CEP128: variants seen among roughly 807,000 people sequenced by gnomAD.
The protein encoded by CEP128 is centrosomal protein 128.
Under a neutral mutation model 156.7 loss-of-function variants are expected in CEP128, and 132 were observed. The ratio of observed to expected loss-of-function variants is 0.84; its 90% CI spans 0.73 to 0.97. The LOEUF (loss-of-function observed/expected upper bound fraction) is 0.97, where lower values mean the gene tolerates loss of function less well. Among genes scored for constraint, CEP128 ranks in the 50% least tolerant of loss-of-function variants. The pLI is 0.00. For missense variants in CEP128, 1,252 were observed against 1,281.9 expected (o/e 0.98, Z 0.36); for synonymous variants, 469 against 448.9 (o/e 1.04, Z -0.57).
intron 17 of CEP128, among the ~76,000 whole-genome samples, chr14:80,757,749 C>CA (rs1396454135): frequency 4.6e-5 from 7 of 152,216 alleles, no homozygotes; most frequent in Non-Finnish European, 1.0e-4. Flanking sequence ...CAAATACCTC[C>CA]ATACCTCCTG....
chr14:80,826,983 G>A (rs903121443), intron 13 of CEP128, among the ~76,000 whole-genome samples: 1 of 152,146 alleles, frequency 6.6e-6, no homozygotes, highest in African/African-American at 2.4e-5. Flanking sequence ...TGCATATACA[G>A]ATTTAAGATC....
At chr14:80,647,089 A>C (rs1894687577) in intron 19 of CEP128, among the ~76,000 whole-genome samples, 1 of 106,664 alleles carries the variant, frequency 9.4e-6, no homozygotes, top group South Asian at 3.1e-4. Flanking sequence ...ATATATATAC[A>C]CCCTTATAAA....
At position 80,518,288 on chromosome 14, in the gene CEP128, C is replaced by T. The variant is rs140716664; in HGVS notation, c.3072+8581G>A. Among the ~76,000 whole-genome samples the T allele has an allele frequency of 7.1e-3, 1,073 of 151,622 alleles. 16 individuals are homozygous for T. The highest frequency in any genetic ancestry group is 0.025 in the African/African-American group (1,026 of 41,236). On this transcript the variant is annotated intron_variant, in intron 23 of 24. Transcript: ENST00000555265. ...TCGGGTGTGAGCTAAGTTGCAAGCC[C>T]CGTATTTAAAGGTGGATGCAGTCAC...
chr14:80,508,431 C>T (rs1888087613), intron 23 of CEP128, among the ~76,000 whole-genome samples: 1 of 152,108 alleles, frequency 6.6e-6, no homozygotes, highest in Admixed American at 6.5e-5. Context: ...AGATCACCTT[C>T]GTTGATGATT....
intron 8 of CEP128, among the ~76,000 whole-genome samples, chr14:80,886,882 C>A (rs1888833545): frequency 1.3e-5 from 2 of 152,060 alleles, no homozygotes; most frequent in Admixed American, 6.6e-5. Flanking sequence ...ATTCAGGAGA[C>A]CCATCTCACA....
At chr14:80,502,536 C>T (rs1887786281) in intron 24 of CEP128, among the ~76,000 whole-genome samples, 1 of 151,942 alleles carries the variant, frequency 6.6e-6, no homozygotes, top group African/African-American at 2.4e-5. Context: ...CTTCTCCTTT[C>T]TTTGTGGTTA....
chr14:80,738,716 A>G (rs974459765), intron 19 of CEP128, among the ~76,000 whole-genome samples: 3 of 150,234 alleles, frequency 2.0e-5, no homozygotes, highest in Non-Finnish European at 4.5e-5. Flanking sequence ...ATTATTATTA[A>G]TGTTTTATTG....
upstream of CEP128, among the ~76,000 whole-genome samples, chr14:80,945,962 G>A (rs1388941892): frequency 6.6e-6 from 1 of 152,176 alleles, no homozygotes; most frequent in Non-Finnish European, 1.5e-5. Flanking sequence ...GTGGTTAAAT[G>A]CACAGATTCT....
intron 19 of CEP128, among the ~76,000 whole-genome samples, chr14:80,671,720 T>C (rs1895849169): frequency 6.6e-6 from 1 of 152,142 alleles, no homozygotes; most frequent in Non-Finnish European, 1.5e-5. Context: ...CTGGGTAAAT[T>C]GGATGCTTTC....
chr14:80,673,418 C>T (rs1422774595), intron 19 of CEP128, among the ~76,000 whole-genome samples: 3 of 151,016 alleles, frequency 2.0e-5, no homozygotes, highest in South Asian at 2.1e-4. Flanking sequence ...CCGAGGCGGG[C>T]GGATCACGAG....
At chr14:80,783,715 C>A (rs189975248) in intron 15 of CEP128, among the ~76,000 whole-genome samples, 1 of 152,284 alleles carries the variant, frequency 6.6e-6, no homozygotes, top group Admixed American at 6.5e-5. Flanking sequence ...ATTTGACCAT[C>A]TCTGACCTGG....
At chr14:80,570,758 G>C (rs2140411980) in intron 20 of CEP128, among the ~76,000 whole-genome samples, 1 of 152,088 alleles carries the variant, frequency 6.6e-6, no homozygotes, top group South Asian at 2.1e-4. Flanking sequence ...ATTAGCATCA[G>C]GGTGACTTTG....
chr14:80,614,303 C>T (rs1765332068), intron 19 of CEP128, among the ~76,000 whole-genome samples: 1 of 152,136 alleles, frequency 6.6e-6, no homozygotes, highest in Admixed American at 6.6e-5. Flanking sequence ...GGACACTCTT[C>T]TATTTGTGTC....
chr14:80,931,222 C>A (rs1885442569), intron 2 of CEP128, among the ~76,000 whole-genome samples: 1 of 152,196 alleles, frequency 6.6e-6, no homozygotes, highest in Admixed American at 6.5e-5. Flanking sequence ...CCACATTGGT[C>A]ATTTTGTGTT....
intron 6 of CEP128, among the ~76,000 whole-genome samples, chr14:80,900,935 G>T (rs372032825): frequency 1.3e-5 from 2 of 151,932 alleles, no homozygotes; most frequent in African/African-American, 2.4e-5. Flanking sequence ...GGCCGGGCGC[G>T]GTGGCTCACG....
intron 9 of CEP128, among the ~76,000 whole-genome samples, chr14:80,841,772 T>G (rs947314562): frequency 6.6e-6 from 1 of 152,010 alleles, no homozygotes; most frequent in African/African-American, 2.4e-5. Flanking sequence ...TCTTAACAAC[T>G]GAGGGCACTG....
At chr14:80,491,905 C>T (rs1887337787), downstream of CEP128, among the ~76,000 whole-genome samples, 1 of 152,190 alleles carries the variant, frequency 6.6e-6, no homozygotes. Context: ...TTAAAGGCAA[C>T]CCAGCTTCCT....
At chr14:80,817,563 T>C (rs1004709698) in intron 13 of CEP128, among the ~76,000 whole-genome samples, 5 of 152,224 alleles carry the variant, frequency 3.3e-5, no homozygotes, top group South Asian at 4.1e-4. Context: ...AATTCTGGAA[T>C]TGAAATGTAT....
At chr14:80,676,300 T>G (rs1454372729) in intron 19 of CEP128, among the ~76,000 whole-genome samples, 2 of 152,124 alleles carry the variant, frequency 1.3e-5, no homozygotes, top group Non-Finnish European at 2.9e-5. Context: ...CCATGGTACT[T>G]TATCATGTTT....
Sources: gnomAD v4.1 joint callset for allele counts (sites outside exome capture counted in the v4.1 genomes callset) on GRCh38, gnomAD v4.1.1 for gene constraint, MANE v1.5 for transcripts, NCBI Gene and HGNC (gene_info 2026-07-23, HGNC 2026-07-21) for gene names.